The following PREX1 variants were observed in gnomAD, a reference collection of about 807,000 sequenced individuals.
PREX1 encodes the protein phosphatidylinositol 3,4,5-trisphosphate-dependent Rac exchanger 1 protein.
A neutral mutation model predicts 198.3 loss-of-function variants in PREX1; 41 were observed. The ratio of observed to expected loss-of-function variants is 0.21; its 90% CI spans 0.16 to 0.27. The LOEUF is 0.27. Among genes scored for constraint, PREX1 ranks in the 10% least tolerant of loss-of-function variants. The pLI, the probability that PREX1 is intolerant of heterozygous loss-of-function variation, is 1.00. For synonymous variants in PREX1, 843 were observed against 887.2 expected, an observed-to-expected ratio of 0.95 and a Z score of 0.89; for missense variants, 1,620 against 2,200.7, an observed-to-expected ratio of 0.74 and a Z score of 5.28.
chr20:48,800,903 G>A (rs2090383714), intron 1 of PREX1, among the ~76,000 whole-genome samples: 1 of 151,584 alleles, frequency 6.6e-6, no homozygotes, highest in African/African-American at 2.4e-5. Context: ...CAATCCTCCC[G>A]CCATGGCCTC....
intron 1 of PREX1, among the ~76,000 whole-genome samples, chr20:48,750,570 G>A (rs1319976471): frequency 1.3e-5 from 2 of 151,826 alleles, no homozygotes; most frequent in Admixed American, 6.6e-5. Flanking sequence ...CCTGCCTCAG[G>A]ACCTTTGCAT....
At chr20:48,725,378 C>A (rs1200202945) in intron 5 of PREX1, among the ~76,000 whole-genome samples, 3 of 152,224 alleles carry the variant, frequency 2.0e-5, no homozygotes. Context: ...GGCGGAAGAG[C>A]CGTCCCCTGG....
chr20:48,783,020 G>A (rs987452322), intron 1 of PREX1, among the ~76,000 whole-genome samples: 1 of 152,190 alleles, frequency 6.6e-6, no homozygotes, highest in African/African-American at 2.4e-5. Context: ...CACAGCCTCC[G>A]GAACCAGGTT....
At chr20:48,867,760 A>AC in the PREX1 span, among the ~76,000 whole-genome samples, 4 of 152,008 alleles carry the variant, frequency 2.6e-5, no homozygotes, top group Non-Finnish European at 5.9e-5. Context: ...GTGCCACTGC[A>AC]CTCCTGCCTG....
chr20:48,698,874 G>C (rs897983538), intron 7 of PREX1, among the ~76,000 whole-genome samples: 1 of 152,184 alleles, frequency 6.6e-6, no homozygotes, highest in Admixed American at 6.5e-5. Context: ...GGTCCTAAGA[G>C]GTACATACGA....
At chr20:48,690,482 C>T (rs1351797453) in intron 9 of PREX1, among the ~76,000 whole-genome samples, 1 of 152,072 alleles carries the variant, frequency 6.6e-6, no homozygotes, top group Non-Finnish European at 1.5e-5. Context: ...GCACGCCCAC[C>T]CCCAAGCCCA....
chr20:48,721,816 T>C (rs940327190), intron 5 of PREX1, among the ~76,000 whole-genome samples: 1 of 152,050 alleles, frequency 6.6e-6, no homozygotes, highest in African/African-American at 2.4e-5. Flanking sequence ...CGGAAACAGC[T>C]GGACTCTGGA....
chr20:48,872,963 T>C, the PREX1 span, among the ~76,000 whole-genome samples: 2 of 152,190 alleles, frequency 1.3e-5, no homozygotes, highest in Non-Finnish European at 2.9e-5. Context: ...TCTGTTTAAT[T>C]TTTTTTCTCT....
chr20:48,632,464 G>A (rs534295330), intron 34 of PREX1, 32 bp downstream of exon 34: 43 of 1,613,656 alleles, frequency 2.7e-5, no homozygotes, highest in East Asian at 1.1e-4. Context: ...CCCGGCCCCC[G>A]TGGTCCTCCC....
At chr20:48,711,001 G>T (rs1221922650) in intron 5 of PREX1, among the ~76,000 whole-genome samples, 1 of 152,224 alleles carries the variant, frequency 6.6e-6, no homozygotes, top group Non-Finnish European at 1.5e-5. Flanking sequence ...GGAGGTGATG[G>T]GGGTATGAGC....
At chr20:48,753,395 T>G (rs1439693134) in intron 1 of PREX1, among the ~76,000 whole-genome samples, 1 of 151,986 alleles carries the variant, frequency 6.6e-6, no homozygotes, top group East Asian at 1.9e-4. Context: ...TTGGGGGTGA[T>G]TTTACCCCCT....
intron 1 of PREX1, among the ~76,000 whole-genome samples, chr20:48,774,123 C>T (rs988575762): frequency 2.0e-5 from 3 of 152,120 alleles, no homozygotes; most frequent in Admixed American, 1.3e-4. Flanking sequence ...GTTTGGGGGG[C>T]GGGTAGAGAG....
At chr20:48,859,557 G>T in the PREX1 span, among the ~76,000 whole-genome samples, 2 of 152,202 alleles carry the variant, frequency 1.3e-5, no homozygotes, top group African/African-American at 4.8e-5. Context: ...AATAACAAGT[G>T]TTGGGTGAGG....
rs147048034 is a variant in PREX1 at position 48,671,770 on chromosome 20, C to T, written c.1665+4423G>A. On this transcript the variant is annotated intron_variant, in intron 14 of 39. Coordinates refer to ENST00000371941, the MANE Select transcript of PREX1 (RefSeq NM_020820.4). ...GACCCACGCGGGCACACCCTCCTCCCCTTTCCCTGACCCAAGCCGAAGGCC... is the reference window on the plus strand; with the variant it reads ...GACCCACGCGGGCACACCCTCCTCCTCTTTCCCTGACCCAAGCCGAAGGCC... Among the ~76,000 whole-genome samples, 40 of 152,282 alleles carry T rather than the reference C, an allele frequency of 2.6e-4. No individual in the cohort carries two copies. The East Asian group carries it at 7.5e-3, about 29-fold the overall frequency.
chr20:48,828,693 C>T (rs1362063157), upstream of PREX1, among the ~76,000 whole-genome samples: 2 of 152,218 alleles, frequency 1.3e-5, no homozygotes, highest in African/African-American at 4.8e-5. Context: ...CTCTTTCCTT[C>T]CTTCCTTTTC....
At chr20:48,754,913 G>A (rs2090150389) in intron 1 of PREX1, among the ~76,000 whole-genome samples, 1 of 152,170 alleles carries the variant, frequency 6.6e-6, no homozygotes, top group Non-Finnish European at 1.5e-5. Context: ...ACACAGCCCA[G>A]AGTCTGGGGA....
At chr20:48,742,610 T>C (rs1204978938) in intron 3 of PREX1, among the ~76,000 whole-genome samples, 2 of 152,050 alleles carry the variant, frequency 1.3e-5, no homozygotes, top group African/African-American at 4.8e-5. Context: ...ATGACTCTGA[T>C]GGTAAGTGCA....
intron 2 of PREX1, among the ~76,000 whole-genome samples, chr20:48,746,748 C>T (rs1306098509): frequency 6.9e-6 from 1 of 145,504 alleles, no homozygotes; most frequent in Non-Finnish European, 1.5e-5. Flanking sequence ...TATGAGACTT[C>T]TACCTCATTA....
Position 48,793,666 on chromosome 20 carries a change from G to A in PREX1, c.219+33976C>T, listed in dbSNP as rs573295718. Among the ~76,000 whole-genome samples, 55 of 152,274 alleles carry A rather than the reference G, an allele frequency of 3.6e-4. No individual in the cohort carries two copies. The South Asian group carries it at 9.8e-3, about 27-fold the overall frequency. ...GGATCTGGATTTGCAACCCTTGCTCGGGCAAATCATTTACTCTCTCTGAGC... is the reference window on the plus strand; with the variant it reads ...GGATCTGGATTTGCAACCCTTGCTCAGGCAAATCATTTACTCTCTCTGAGC... On this transcript the variant is annotated intron_variant, in intron 1 of 39. Coordinates refer to ENST00000371941, the MANE Select transcript of PREX1 (RefSeq NM_020820.4).
Sources: gnomAD v4.1 joint callset for allele counts (sites outside exome capture counted in the v4.1 genomes callset) on GRCh38, gnomAD v4.1.1 for gene constraint, MANE v1.5 for transcripts, NCBI Gene and HGNC (gene_info 2026-07-23, HGNC 2026-07-21) for gene names.